Variants in PARD3B observed in about 807,000 individuals in gnomAD.
PARD3B encodes par-3 family cell polarity regulator beta.
A neutral mutation model predicts 130.2 loss-of-function variants in PARD3B; 103 were observed. That is an observed-to-expected ratio of 0.79 (90% CI 0.67 to 0.93). The LOEUF (loss-of-function observed/expected upper bound fraction) is 0.93, where lower values mean the gene tolerates loss of function less well. Among genes scored for constraint, PARD3B ranks in the 40% least tolerant of loss-of-function variants. The pLI is 0.00. For synonymous variants in PARD3B, 583 were observed against 553.2 expected, an observed-to-expected ratio of 1.05 and a Z score of -0.76; for missense variants, 1,609 against 1,499.2, an observed-to-expected ratio of 1.07 and a Z score of -1.21.
chr2:204,779,710 G>A (rs1217578794), intron 2 of PARD3B, among the ~76,000 whole-genome samples: 1 of 152,170 alleles, frequency 6.6e-6, no homozygotes, highest in African/African-American at 2.4e-5. Flanking sequence ...CCAGGGTTGT[G>A]AGGCTAGTAA....
rs148170394 is a variant in PARD3B, at chr2:204,643,524, A to T, written c.121-42657A>T. Among the ~76,000 whole-genome samples the T allele has an allele frequency of 3.1e-4, 47 of 152,322 alleles. 1 individual carries two copies. The East Asian group carries it at 8.1e-3, about 26-fold the overall frequency. ...AGCAAACTTGTCCAACCTGTGACTC[A>T]TGGGGCCACATGCAACGCAGGACGG... On this transcript the variant is annotated intron_variant, in intron 1 of 22. Coordinates refer to ENST00000406610, the MANE Select transcript of PARD3B (RefSeq NM_001302769.2).
chr2:205,611,009 G>T (rs1173935927), intron 22 of PARD3B, among the ~76,000 whole-genome samples: 1 of 152,194 alleles, frequency 6.6e-6, no homozygotes, highest in African/African-American at 2.4e-5. Flanking sequence ...CCTGTGTTAA[G>T]CTCGAAGGGA....
intron 19 of PARD3B, among the ~76,000 whole-genome samples, chr2:205,409,055 T>G (rs2046507646): frequency 6.6e-6 from 1 of 152,180 alleles, no homozygotes; most frequent in African/African-American, 2.4e-5. Context: ...CCTTATTAGA[T>G]CATCACTGCA....
chr2:205,074,826 A>G (rs1033253020), intron 4 of PARD3B, among the ~76,000 whole-genome samples: 1 of 152,228 alleles, frequency 6.6e-6, no homozygotes, highest in African/African-American at 2.4e-5. Flanking sequence ...TTAATCCTTA[A>G]TAATAACAAT....
chr2:205,337,692 A>G (rs1183271974), intron 18 of PARD3B, among the ~76,000 whole-genome samples: 1 of 152,174 alleles, frequency 6.6e-6, no homozygotes, highest in African/African-American at 2.4e-5. Flanking sequence ...AGTTAAATGA[A>G]GTTATTTTCT....
intron 18 of PARD3B, among the ~76,000 whole-genome samples, chr2:205,338,219 T>C (rs2043391526): frequency 6.7e-6 from 1 of 148,874 alleles, no homozygotes. Context: ...TGGGGAAAGA[T>C]TGTAGCATCC....
intron 3 of PARD3B, among the ~76,000 whole-genome samples, chr2:205,005,993 T>C (rs902414423): frequency 1.3e-5 from 2 of 152,180 alleles, no homozygotes; most frequent in Non-Finnish European, 2.9e-5. Flanking sequence ...TCCCCGAAGT[T>C]CATTATATTA....
In PARD3B at chr2:205,440,910, G is replaced by A. The variant is rs904958318; in HGVS notation, c.3044+238G>A. ...GTAGCAGAGTTCATGATGCAATAGGGAGCCATTTTTGAAGGAGTATTGTGA... is the reference window on the plus strand; with the variant it reads ...GTAGCAGAGTTCATGATGCAATAGGAAGCCATTTTTGAAGGAGTATTGTGA... On this transcript the variant is annotated intron_variant, in intron 20 of 22. Coordinates refer to ENST00000406610, the MANE Select transcript of PARD3B (RefSeq NM_001302769.2). The surrounding 1 kb of genome is among the most constrained non-coding windows in gnomAD (Gnocchi z 4.2). 5.9e-5 allele frequency among the ~76,000 whole-genome samples: 9 copies of A among 152,264 alleles called. No homozygotes were observed. The highest frequency in any genetic ancestry group is 2.2e-4 in the African/African-American group (9 of 41,544).
chr2:204,863,836 C>A (rs1247780512), intron 2 of PARD3B, among the ~76,000 whole-genome samples: 3 of 152,152 alleles, frequency 2.0e-5, no homozygotes, highest in Non-Finnish European at 4.4e-5. Context: ...CCCACAGACA[C>A]CGATTTTCAT....
At chr2:204,782,649 T>C (rs1381455652) in intron 2 of PARD3B, among the ~76,000 whole-genome samples, 2 of 151,678 alleles carry the variant, frequency 1.3e-5, no homozygotes, top group African/African-American at 4.8e-5. Flanking sequence ...ATCCATCCAT[T>C]TGTAGGACAT....
intron 3 of PARD3B, among the ~76,000 whole-genome samples, chr2:205,016,972 T>G (rs947434450): frequency 5.9e-5 from 9 of 151,662 alleles, no homozygotes; most frequent in African/African-American, 1.9e-4. Flanking sequence ...GAAGCAAGAG[T>G]TTAAGGGTGG....
chr2:204,712,834 A>G (rs77161935), intron 2 of PARD3B, among the ~76,000 whole-genome samples: 7 of 152,130 alleles, frequency 4.6e-5, no homozygotes, highest in African/African-American at 1.4e-4. Context: ...TCCCACCCCA[A>G]TAAGTTTATC....
At chr2:204,755,331 C>T in intron 2 of PARD3B, among the ~76,000 whole-genome samples, 1 of 152,022 alleles carries the variant, frequency 6.6e-6, no homozygotes, top group Admixed American at 6.6e-5. Context: ...AAATAAGCTA[C>T]CCAAATATGA....
At chr2:205,025,182 G>C in intron 3 of PARD3B, among the ~76,000 whole-genome samples, 1 of 152,168 alleles carries the variant, frequency 6.6e-6, no homozygotes, top group East Asian at 1.9e-4. Flanking sequence ...AGTGTGTTCA[G>C]TCTGCGGCAC....
intron 18 of PARD3B, among the ~76,000 whole-genome samples, chr2:205,359,049 C>G (rs1288841507): frequency 6.6e-6 from 1 of 152,140 alleles, no homozygotes; most frequent in Non-Finnish European, 1.5e-5. Flanking sequence ...TTGAAGGTAG[C>G]TCTTGAAAAT....
intron 4 of PARD3B, among the ~76,000 whole-genome samples, chr2:205,057,801 A>G (rs895360514): frequency 2.7e-5 from 4 of 150,772 alleles, no homozygotes; most frequent in African/African-American, 4.9e-5. Context: ...GTATGTTTAT[A>G]TACATCTCCT....
rs553290997 is a variant in PARD3B at position 204,577,523 on chromosome 2, C to T, written c.120+31404C>T. Among the ~76,000 whole-genome samples the T allele has an allele frequency of 4.6e-5, 7 of 152,252 alleles. 1 individual carries two copies. The South Asian group carries it at 1.4e-3, about 32-fold the overall frequency. On this transcript the variant is annotated intron_variant, in intron 1 of 22. Transcript: ENST00000406610. Reference sequence around the variant, plus strand: ...ACTGGGTCTTCTGCTTCAGTACTTTCTCTTAGAGCTACATTGCCCCGGTTT... The same window carrying T: ...ACTGGGTCTTCTGCTTCAGTACTTTTTCTTAGAGCTACATTGCCCCGGTTT...
Position 204,561,597 on chromosome 2 carries a change from T to A in PARD3B, c.120+15478T>A, listed in dbSNP as rs1482619104. On this transcript the variant is annotated intron_variant, in intron 1 of 22. Coordinates refer to ENST00000406610, the MANE Select transcript of PARD3B (RefSeq NM_001302769.2). The stretch of plus-strand genomic sequence containing the variant: ...CCTATGTACTCATCTCCCTTGTATT[T>A]TTTTTTTTTTTTTTTGAGATGGAGT... Among the ~76,000 whole-genome samples the A allele has an allele frequency of 8.1e-5, 12 of 147,528 alleles. No homozygotes were observed. In the East Asian group the frequency reaches 2.1e-3, roughly 26 times the overall value.
Position 204,545,476 on chromosome 2 carries a change from C to T in PARD3B, c.-524C>T, listed in dbSNP as rs1352443582. Reference sequence around the variant, plus strand: ...AGCCGGGCCCAGGCCGTCGCCGGGACCGCAGGAGCCCAGAGCGCGGGCGCC... The same window carrying T: ...AGCCGGGCCCAGGCCGTCGCCGGGATCGCAGGAGCCCAGAGCGCGGGCGCC... On this transcript the variant is annotated 5_prime_UTR_variant, in exon 1 of 23. Coordinates refer to ENST00000406610, the MANE Select transcript of PARD3B (RefSeq NM_001302769.2). Among the ~76,000 whole-genome samples, 5 of 152,036 alleles carry T rather than the reference C, an allele frequency of 3.3e-5. No homozygotes were observed. The highest frequency in any genetic ancestry group is 1.2e-4 in the African/African-American group (5 of 41,438).
Sources: gnomAD v4.1 joint callset for allele counts (sites outside exome capture counted in the v4.1 genomes callset) on GRCh38, gnomAD v4.1.1 for gene constraint, Gnocchi (gnomAD v3.1) non-coding constraint, MANE v1.5 for transcripts, NCBI Gene and HGNC (gene_info 2026-07-23, HGNC 2026-07-21) for gene names.